STK35: variants seen among roughly 807,000 people sequenced by gnomAD.
The protein encoded by STK35 is serine/threonine kinase 35.
A neutral mutation model predicts 37.3 loss-of-function variants in STK35; 17 were observed. The ratio of observed to expected loss-of-function variants is 0.46; its 90% confidence interval spans 0.31 to 0.68. The LOEUF is 0.68. STK35 is among the 30% of genes least tolerant of loss of function. The pLI is 0.05. For missense variants in STK35, 595 were observed against 746.7 expected, an observed-to-expected ratio of 0.80 and a Z score of 2.37; for synonymous variants, 385 against 319.1, an observed-to-expected ratio of 1.21 and a Z score of -2.20.
chr20:2,103,785 G>T (rs1429769459), intron 2 of STK35, among the ~76,000 whole-genome samples: 2 of 152,018 alleles, frequency 1.3e-5, no homozygotes, highest in Non-Finnish European at 1.5e-5. Context: ...GAAAAAACTT[G>T]ACTGGACCCA....
At chr20:2,131,803 C>T (rs1259388307) in intron 3 of STK35, among the ~76,000 whole-genome samples, 2 of 152,100 alleles carry the variant, frequency 1.3e-5, no homozygotes, top group Non-Finnish European at 2.9e-5. Context: ...TTGGCAGCCT[C>T]GACCTTCTGG....
intron 2 of STK35, among the ~76,000 whole-genome samples, chr20:2,104,497 C>T (rs1024056417): frequency 1.3e-5 from 2 of 152,176 alleles, no homozygotes; most frequent in Non-Finnish European, 2.9e-5. Context: ...TTACATTTCT[C>T]AGAGCTTAAG....
At chr20:2,135,872 G>A (rs1208731475) in intron 3 of STK35, among the ~76,000 whole-genome samples, 1 of 152,172 alleles carries the variant, frequency 6.6e-6, no homozygotes, top group African/African-American at 2.4e-5. Context: ...ACAGTGGCAT[G>A]CACCTGTGGT....
At chr20:2,102,680 G>A (rs936360577) in intron 1 of STK35, 88 bp from the exon 2 acceptor site, 1 of 1,212,744 alleles carries the variant, frequency 8.2e-7, no homozygotes, top group Non-Finnish European at 1.1e-6. Flanking sequence ...CGCGGCGGCC[G>A]GGGGAGGAGG....
intron 3 of STK35, among the ~76,000 whole-genome samples, chr20:2,118,946 T>C (rs1381323014): frequency 6.6e-6 from 1 of 152,190 alleles, no homozygotes; most frequent in Non-Finnish European, 1.5e-5. Context: ...CTCTTGACAT[T>C]ACACAACAAT....
Position 2,102,076 on chromosome 20 carries a change from T to A in STK35, c.195T>A (p.Ala65=). 1.3e-6 allele frequency: 2 copies of A among 1,520,544 alleles called. No individual in the cohort carries two copies. The highest frequency in any genetic ancestry group is 1.8e-6 in the Non-Finnish European group (2 of 1,138,688). 94.2% of individuals were successfully genotyped at this position (1,520,544 alleles called of 1,614,324 possible). Residue 65 remains alanine (A), a synonymous_variant, in exon 1 of 4, where the codon GCT becomes GCA. Transcript: ENST00000381482. ...TRRARAATSR[A]ARSRRQPGPG... The stretch of plus-strand genomic sequence containing the variant: ...GGGCTCGGGCCGCCACCTCCCGCGC[T>A]GCTCGGTCCCGGAGGCAGCCCGGGC...
intron 2 of STK35, among the ~76,000 whole-genome samples, chr20:2,108,435 G>A (rs1347354413): frequency 3.3e-5 from 5 of 152,130 alleles, no homozygotes; most frequent in South Asian, 2.1e-4. Flanking sequence ...ACTTGAACCC[G>A]GGAGGCAGAG....
intron 3 of STK35, among the ~76,000 whole-genome samples, chr20:2,128,925 C>G (rs113260403): frequency 6.6e-6 from 1 of 151,958 alleles, no homozygotes; most frequent in Non-Finnish European, 1.5e-5. Flanking sequence ...ACTGGCTTCA[C>G]GCGATTCTCC....
In STK35 at chr20:2,111,037, ACT is replaced by A. The variant is rs1391942253; in HGVS notation, c.893-5624_893-5623del. Among the ~76,000 whole-genome samples, 3 of 152,192 alleles carry A rather than the reference ACT, an allele frequency of 2.0e-5. No individual in the cohort carries two copies. In the South Asian group the frequency reaches 6.2e-4, roughly 31 times the overall value. ...AGTAACCAGAGAGGAATGGCAGAGC[ACT>A]CTCTGAATTCTTCCTTTCCATCTTA... On this transcript the variant is annotated intron_variant, in intron 2 of 3. Coordinates refer to ENST00000381482, the MANE Select transcript of STK35 (RefSeq NM_080836.4).
At chr20:2,139,646 C>G (rs759672761) in intron 3 of STK35, among the ~76,000 whole-genome samples, 1 of 152,122 alleles carries the variant, frequency 6.6e-6, no homozygotes, top group Non-Finnish European at 1.5e-5. Context: ...TAACCCCTAC[C>G]TCTTAGGGTT....
At chr20:2,103,535 A>G (rs1370130149) in intron 2 of STK35, among the ~76,000 whole-genome samples, 170 bp downstream of exon 2, 1 of 152,140 alleles carries the variant, frequency 6.6e-6, no homozygotes, top group African/African-American at 2.4e-5. Flanking sequence ...CTCTCTTCTC[A>G]GGTCCTAAGA....
At chr20:2,133,738 CTT>C in intron 3 of STK35, among the ~76,000 whole-genome samples, 1 of 152,052 alleles carries the variant, frequency 6.6e-6, no homozygotes, top group Admixed American at 6.5e-5. Flanking sequence ...ATTTGGCAAA[CTT>C]TTTAATACTA....
chr20:2,107,525 C>T (rs892488362), intron 2 of STK35, among the ~76,000 whole-genome samples: 1 of 152,204 alleles, frequency 6.6e-6, no homozygotes, highest in African/African-American at 2.4e-5. Flanking sequence ...GCAGAGGACG[C>T]ATGCCCACAT....
chr20:2,145,799 CTG>C lies in STK35; in HGVS notation c.*2055_*2056del. On this transcript the variant is annotated 3_prime_UTR_variant, in exon 4 of 4. Transcript: ENST00000381482. ...CCTTTCCTTGGGGGCAGCTGTCTCT[CTG>C]TACATGAGCAAATGGGCAAAAACAG... The C allele has an allele frequency of 6.6e-6, 1 of 152,418 alleles. No homozygotes were observed. Among genetic ancestry groups the C allele is most frequent in the East Asian group, 1.9e-4 (1 of 5,184 alleles). The allele number at this position is 152,418 out of a possible 1,614,324, so 9.4% of individuals were successfully genotyped here.
intron 2 of STK35, among the ~76,000 whole-genome samples, chr20:2,114,265 G>T (rs539468594): frequency 6.6e-6 from 1 of 152,030 alleles, no homozygotes; most frequent in Admixed American, 6.5e-5. Flanking sequence ...TTGAGGCCAG[G>T]TGCTATTGAG....
chr20:2,117,273 G>A lies in STK35; in HGVS notation c.1500G>A (p.Glu500=). The A allele has an allele frequency of 6.2e-7, 1 of 1,614,168 alleles. No individual in the cohort carries two copies. Among genetic ancestry groups the A allele is most frequent in the Non-Finnish European group, 8.5e-7 (1 of 1,180,044 alleles). The change falls in exon 3 of 4, where the codon GAG becomes GAA. Residue 500 remains glutamate (E), a synonymous_variant. Transcript: ENST00000381482. The surrounding 1 kb of genome is among the most constrained non-coding windows in gnomAD (Gnocchi z 4.4). ...AAAAACGCAGGACTTCCATGTCTGAGGGGATCAAGCAGCTCTTGAAAGATA... is the reference window on the plus strand; with the variant it reads ...AAAAACGCAGGACTTCCATGTCTGAAGGGATCAAGCAGCTCTTGAAAGATA... ...IPQKRRTSMS[E]GIKQLLKDML...
rs1600593851 is a variant in STK35 at position 2,102,039 on chromosome 20, C to G, written c.158C>G (p.Ser53Cys). The change falls in exon 1 of 4, where the codon TCC becomes TGC. Residue 53 changes from serine (S) to cysteine (C), a missense_variant. By Grantham distance (112) the Ser-to-Cys change is moderately radical (BLOSUM62 -1). This residue lies in a region of STK35 where 389 missense variants were observed against 320.0 expected (regional missense o/e 1.22). Transcript: ENST00000381482. ...GCGAGCGCCGCGGCAGCAGAAGGAT[C>G]CGCTACACGCCGGGCTCGGGCCGCC... Reference protein sequence around the residue: ...SPASAAAAEGSATRRARAATS... With the variant: ...SPASAAAAEGCATRRARAATS... 2.0e-6 allele frequency: 3 copies of G among 1,525,710 alleles called. No homozygotes were observed. In the South Asian group the frequency reaches 3.6e-5, roughly 18 times the overall value. 94.5% of individuals were successfully genotyped at this position (1,525,710 alleles called of 1,614,324 possible).
intron 3 of STK35, among the ~76,000 whole-genome samples, chr20:2,131,188 A>G (rs1433720400): frequency 6.6e-6 from 1 of 152,210 alleles, no homozygotes; most frequent in Non-Finnish European, 1.5e-5. Context: ...GATAGAGCCT[A>G]TTGCTCCTAG....
chr20:2,129,587 G>T (rs985690037), intron 3 of STK35, among the ~76,000 whole-genome samples: 12 of 152,140 alleles, frequency 7.9e-5, no homozygotes, highest in African/African-American at 2.7e-4. Flanking sequence ...ACTGTAGTGG[G>T]TGCCTCTATT....
Sources: gnomAD v4.1 joint callset for allele counts (sites outside exome capture counted in the v4.1 genomes callset) on GRCh38, gnomAD v4.1.1 for gene constraint, gnomAD v4.1.1 regional missense constraint, Gnocchi (gnomAD v3.1) non-coding constraint, MANE v1.5 for transcripts, NCBI Gene and HGNC (gene_info 2026-07-23, HGNC 2026-07-21) for gene names.